Variants in PTPRR observed in about 807,000 individuals in gnomAD.
The protein encoded by PTPRR is protein tyrosine phosphatase receptor type R.
In PTPRR, 38 loss-of-function variants were observed where a neutral mutation model predicts 77.2. The observed-to-expected ratio is 0.49, with a 90% CI of 0.38 to 0.65. The LOEUF is 0.65. Ranked by LOEUF, PTPRR falls within the 30% of genes least tolerant of loss-of-function variation. The pLI is 0.00. For missense variants in PTPRR, 744 were observed against 799.2 expected, an observed-to-expected ratio of 0.93 and a Z score of 0.83; for synonymous variants, 299 against 283.1, an observed-to-expected ratio of 1.06 and a Z score of -0.57.
Position 70,761,423 on chromosome 12 carries a change from T to C in PTPRR, c.627+48A>G, listed in dbSNP as rs749367627. 4 of 1,480,036 alleles carry C rather than the reference T, an allele frequency of 2.7e-6. No homozygotes were observed. In the South Asian group the frequency reaches 4.3e-5, roughly 16 times the overall value. 91.7% of individuals were successfully genotyped at this position (1,480,036 alleles called of 1,614,324 possible). The stretch of plus-strand genomic sequence containing the variant: ...CTCTTGGGGTTGAATTACCATAGCA[T>C]GCTAACTGTTCACATTTTTAAATGA... On this transcript the variant is annotated intron_variant, in intron 4 of 13. Transcript: ENST00000283228.
chr12:70,827,905 A>G (rs1892143282), intron 2 of PTPRR, among the ~76,000 whole-genome samples: 1 of 151,782 alleles, frequency 6.6e-6, no homozygotes, highest in Non-Finnish European at 1.5e-5. Flanking sequence ...TGTTTTTAGT[A>G]GAGACGGGTT....
At chr12:70,876,036 C>T (rs1893046637) in intron 2 of PTPRR, among the ~76,000 whole-genome samples, 1 of 152,152 alleles carries the variant, frequency 6.6e-6, no homozygotes, top group African/African-American at 2.4e-5. Flanking sequence ...ACTATGAGTA[C>T]ATCAGGCACC....
chr12:70,780,115 C>T (rs913034560), intron 2 of PTPRR, among the ~76,000 whole-genome samples: 4 of 152,088 alleles, frequency 2.6e-5, no homozygotes, highest in African/African-American at 9.7e-5. Flanking sequence ...CCTCAGCCTC[C>T]CGAGTAGATG....
chr12:70,830,467 C>G (rs571853515), intron 2 of PTPRR, among the ~76,000 whole-genome samples: 37 of 152,272 alleles, frequency 2.4e-4, no homozygotes, highest in African/African-American at 8.7e-4. Flanking sequence ...TGTTAAAGCT[C>G]CTGCCTGGAA....
At chr12:70,822,871 T>A (rs563401040) in intron 2 of PTPRR, among the ~76,000 whole-genome samples, 18 of 152,296 alleles carry the variant, frequency 1.2e-4, no homozygotes, top group Admixed American at 1.2e-3. Flanking sequence ...GAGCGTAATG[T>A]TAATAAAATT....
intron 2 of PTPRR, among the ~76,000 whole-genome samples, chr12:70,772,196 T>G (rs1221581705): frequency 6.6e-6 from 1 of 152,160 alleles, no homozygotes; most frequent in Admixed American, 6.6e-5. Context: ...TTATAATACT[T>G]AATTCACTAA....
chr12:70,834,244 G>C (rs1031765036), intron 2 of PTPRR, among the ~76,000 whole-genome samples: 1 of 152,084 alleles, frequency 6.6e-6, no homozygotes, highest in African/African-American at 2.4e-5. Flanking sequence ...TTCATTTTAA[G>C]TTTTTATTTT....
chr12:70,889,793 C>CT (rs1300672110), intron 2 of PTPRR, among the ~76,000 whole-genome samples: 1 of 151,752 alleles, frequency 6.6e-6, no homozygotes, highest in African/African-American at 2.4e-5. Flanking sequence ...CTTCCTGTTT[C>CT]TTCTCCTCCA....
At chr12:70,827,866 G>A (rs771007973) in intron 2 of PTPRR, among the ~76,000 whole-genome samples, 2 of 150,618 alleles carry the variant, frequency 1.3e-5, no homozygotes, top group South Asian at 2.1e-4. Flanking sequence ...GACTACAGGC[G>A]CCCACCACTA....
intron 6 of PTPRR, among the ~76,000 whole-genome samples, chr12:70,742,545 G>T (rs557690700): frequency 8.5e-5 from 13 of 152,284 alleles, no homozygotes; most frequent in African/African-American, 2.9e-4. Flanking sequence ...GCTGCCAAAG[G>T]CCAGATCAGA....
At chr12:70,686,607 C>A (rs141309687) in intron 8 of PTPRR, among the ~76,000 whole-genome samples, 2 of 152,130 alleles carry the variant, frequency 1.3e-5, no homozygotes, top group African/African-American at 4.8e-5. Flanking sequence ...TTCCTCCTTG[C>A]GCTCTTTCTT....
intron 6 of PTPRR, among the ~76,000 whole-genome samples, chr12:70,726,097 C>CT (rs34746276): frequency 0.038 from 5,419 of 143,596 alleles, 106 homozygotes; most frequent in Middle Eastern, 0.094. Context: ...AAGAATGATG[C>CT]TTTTTTTTTT....
At position 70,745,959 on chromosome 12, in the gene PTPRR, A is replaced by G; in HGVS notation, c.866T>C (p.Met289Thr). The change falls in exon 6 of 14, where the codon ATG (methionine) becomes ACG (threonine). Residue 289 changes from methionine (M) to threonine (T), a missense_variant. Around this residue, in one of 3 missense-constraint regions of PTPRR, gnomAD observed 570 missense variants for 573.2 expected, o/e 0.99. Coordinates refer to ENST00000283228, the MANE Select transcript of PTPRR (RefSeq NM_002849.4). ...ALSEAKTVHSMVQPEQAPKVL... is the reference protein window; with the variant it reads ...ALSEAKTVHSTVQPEQAPKVL... ...CTTTGGGGCCTGCTCAGGTTGGACC[A>G]TGCTGTGGACTGTCTTTGCCTCGGA... The G allele has an allele frequency of 1.2e-6, 2 of 1,614,156 alleles. No homozygotes were observed. Among genetic ancestry groups the G allele is most frequent in the Non-Finnish European group, 1.7e-6 (2 of 1,180,034 alleles).
chr12:70,869,599 C>G (rs1420371369), intron 2 of PTPRR, among the ~76,000 whole-genome samples: 4 of 152,114 alleles, frequency 2.6e-5, no homozygotes, highest in Admixed American at 2.0e-4. Flanking sequence ...ACTATCTTGC[C>G]ATGGGAGATT....
chr12:70,782,133 T>C (rs1167492972), intron 2 of PTPRR, among the ~76,000 whole-genome samples: 1 of 152,150 alleles, frequency 6.6e-6, no homozygotes, highest in Non-Finnish European at 1.5e-5. Context: ...ATTCAGGAGC[T>C]TCTTGAATTT....
chr12:70,817,497 A>G (rs952899392), intron 2 of PTPRR, among the ~76,000 whole-genome samples: 2 of 152,216 alleles, frequency 1.3e-5, no homozygotes, highest in Non-Finnish European at 2.9e-5. Flanking sequence ...ACACATTCTC[A>G]AGTAGTTAAT....
At chr12:70,915,724 G>C (rs1356617086) in intron 1 of PTPRR, among the ~76,000 whole-genome samples, 1 of 152,148 alleles carries the variant, frequency 6.6e-6, no homozygotes, top group Non-Finnish European at 1.5e-5. Context: ...ATCTGTTAGA[G>C]ATAGTGTGTT....
At chr12:70,645,009 G>A (rs942655471) in intron 13 of PTPRR, among the ~76,000 whole-genome samples, 3 of 152,096 alleles carry the variant, frequency 2.0e-5, no homozygotes, top group East Asian at 1.9e-4. Flanking sequence ...AAACGTCATC[G>A]GGTTGTGAGG....
rs1208451873 is a variant in PTPRR, at chr12:70,672,209, TC to T, written c.1498-9605del. 6.3e-6 allele frequency: 10 copies of T among 1,575,118 alleles called. No individual in the cohort carries two copies. The African/African-American group carries it at 1.2e-4, about 19-fold the overall frequency. ...AGTCCTACCATGGTTGGAAGTGACC[TC>T]CCTGGCTCCAGCCACATGGCCAGAT... On this transcript the variant is annotated intron_variant, in intron 10 of 13. Transcript: ENST00000283228.
Sources: allele counts gnomAD v4.1 joint callset (sites outside exome capture counted in the v4.1 genomes callset), GRCh38; gene constraint gnomAD v4.1.1; regional missense constraint gnomAD v4.1.1; transcripts MANE v1.5; gene names NCBI Gene and HGNC (gene_info 2026-07-23, HGNC 2026-07-21).